Variants in SOX5 observed in about 807,000 individuals in gnomAD.
SOX5 encodes SRY-box transcription factor 5.
Under a neutral mutation model 92.0 loss-of-function variants are expected in SOX5, and 9 were observed. The observed-to-expected ratio is 0.10, with a 90% CI of 0.06 to 0.17. SOX5 has a LOEUF of 0.17. SOX5 is among the 10% of genes least tolerant of loss of function. SOX5 has a pLI of 1.00. For missense variants in SOX5, 642 were observed against 944.5 expected, an observed-to-expected ratio of 0.68 and a Z score of 4.20; for synonymous variants, 344 against 336.3, an observed-to-expected ratio of 1.02 and a Z score of -0.25.
intron 3 of SOX5, among the ~76,000 whole-genome samples, chr12:24,220,807 GTAT>G (rs1194744977): frequency 6.6e-6 from 1 of 152,184 alleles, no homozygotes; most frequent in Non-Finnish European, 1.5e-5. Flanking sequence ...CCTCCAAACA[GTAT>G]TGAATAACCA....
At chr12:24,464,720 T>C (rs1479878232) in intron 1 of SOX5, among the ~76,000 whole-genome samples, 24 of 152,208 alleles carry the variant, frequency 1.6e-4, no homozygotes, top group Admixed American at 1.6e-3. Flanking sequence ...AAAAATCCTA[T>C]GAGATAGAAA....
intron 3 of SOX5, among the ~76,000 whole-genome samples, chr12:24,240,573 A>T (rs1484725243): frequency 6.6e-6 from 1 of 152,156 alleles, no homozygotes; most frequent in African/African-American, 2.4e-5. Context: ...ACAAATTCCT[A>T]TTTGGGCAAG....
At chr12:24,260,606 A>T (rs1217686869) in intron 3 of SOX5, among the ~76,000 whole-genome samples, 1 of 152,182 alleles carries the variant, frequency 6.6e-6, no homozygotes, top group Non-Finnish European at 1.5e-5. Flanking sequence ...GGACTTCCTT[A>T]GGTAGTGATA....
intron 13 of SOX5, among the ~76,000 whole-genome samples, chr12:23,537,045 T>TA (rs1273933654): frequency 6.6e-6 from 1 of 152,184 alleles, no homozygotes; most frequent in Admixed American, 6.5e-5. Context: ...ACTAATTATC[T>TA]AGTTATTGAA....
chr12:23,718,911 A>G (rs2092658945), intron 6 of SOX5, among the ~76,000 whole-genome samples: 1 of 152,194 alleles, frequency 6.6e-6, no homozygotes, highest in African/African-American at 2.4e-5. Context: ...GCAATTTTAG[A>G]TAAAATATAA....
intron 1 of SOX5, among the ~76,000 whole-genome samples, chr12:24,485,540 G>GT (rs1456587055): frequency 6.6e-6 from 1 of 152,098 alleles, no homozygotes; most frequent in Non-Finnish European, 1.5e-5. Context: ...CAACTACTCT[G>GT]TAACTGGTTT....
chr12:23,726,992 A>G (rs1285573760), intron 6 of SOX5, among the ~76,000 whole-genome samples: 1 of 152,200 alleles, frequency 6.6e-6, no homozygotes, highest in African/African-American at 2.4e-5. Flanking sequence ...TCACTTCAGA[A>G]ATCATACTGC....
intron 8 of SOX5, among the ~76,000 whole-genome samples, chr12:23,632,673 T>C (rs2078699230): frequency 6.6e-6 from 1 of 152,168 alleles, no homozygotes; most frequent in South Asian, 2.1e-4. Context: ...CATCTACCTC[T>C]ACCTTGATGT....
chr12:23,937,821 C>T (rs937636588), intron 1 of SOX5, among the ~76,000 whole-genome samples: 1 of 150,920 alleles, frequency 6.6e-6, no homozygotes, highest in Non-Finnish European at 1.5e-5. Flanking sequence ...ATTGGTTATA[C>T]ATGCATTCAA....
chr12:23,863,409 T>C lies in SOX5; in HGVS notation c.271-17216A>G, dbSNP rs538484495. Among the ~76,000 whole-genome samples, 3 of 152,314 alleles carry C rather than the reference T, an allele frequency of 2.0e-5. No homozygotes were observed. In the South Asian group the frequency reaches 6.2e-4, roughly 32 times the overall value. On this transcript the variant is annotated intron_variant, in intron 2 of 14. Coordinates refer to ENST00000451604, the MANE Select transcript of SOX5 (RefSeq NM_006940.6). ...CCTATGAGGTAGGAAATATGATCAA[T>C]GCTTTTACACACAGAGAAAATGAGT...
At chr12:23,659,463 C>T (rs944637308) in intron 7 of SOX5, among the ~76,000 whole-genome samples, 1 of 152,148 alleles carries the variant, frequency 6.6e-6, no homozygotes, top group Non-Finnish European at 1.5e-5. Context: ...TTAAGCTAAT[C>T]TCATGAGGCA....
At chr12:23,933,314 C>T (rs557505342) in intron 1 of SOX5, among the ~76,000 whole-genome samples, 1 of 151,720 alleles carries the variant, frequency 6.6e-6, no homozygotes, top group South Asian at 2.1e-4. Context: ...AAAAACATAA[C>T]ATATACTGTA....
At chr12:24,171,236 T>TTTTGTTTTGTTTTG (rs1565581513) in intron 4 of SOX5, among the ~76,000 whole-genome samples, 1 of 130,220 alleles carries the variant, frequency 7.7e-6, no homozygotes, top group Non-Finnish European at 1.7e-5. Context: ...TTTGTTTTTT[T>TTTTGTTTTGTTTTG]TTTTGGAGAC....
At chr12:23,875,525 GAAGA>G (rs1485320095) in intron 2 of SOX5, among the ~76,000 whole-genome samples, 1 of 151,958 alleles carries the variant, frequency 6.6e-6, no homozygotes, top group African/African-American at 2.4e-5. Flanking sequence ...AGAAAGGAAG[GAAGA>G]AAGGAGGGGA....
At chr12:24,520,069 A>G (rs1372686955) in intron 1 of SOX5, among the ~76,000 whole-genome samples, 1 of 152,004 alleles carries the variant, frequency 6.6e-6, no homozygotes, top group Non-Finnish European at 1.5e-5. Context: ...ATCAAGAACA[A>G]TATACCAGGC....
At chr12:24,438,431 TA>T (rs980563496) in intron 1 of SOX5, among the ~76,000 whole-genome samples, 45 of 151,424 alleles carry the variant, frequency 3.0e-4, no homozygotes, top group African/African-American at 8.2e-4. Flanking sequence ...AAAGTATAGT[TA>T]AAAAAAATAT....
chr12:23,940,330 G>T (rs1380113433), intron 1 of SOX5, among the ~76,000 whole-genome samples: 1 of 151,138 alleles, frequency 6.6e-6, no homozygotes, highest in East Asian at 1.9e-4. Context: ...AAACTCCTAA[G>T]AGACACCATG....
chr12:24,537,794 T>G (rs1057340934), intron 1 of SOX5, among the ~76,000 whole-genome samples: 7 of 152,230 alleles, frequency 4.6e-5, no homozygotes, highest in African/African-American at 1.7e-4. Flanking sequence ...TGCAGACTAT[T>G]TGTCCACACT....
chr12:24,515,748 C>T (rs543806345), intron 1 of SOX5, among the ~76,000 whole-genome samples: 112 of 152,274 alleles, frequency 7.4e-4, no homozygotes, highest in African/African-American at 2.6e-3. Flanking sequence ...AACACTTTGT[C>T]TATATACATT....
Sources: allele counts gnomAD v4.1 joint callset (sites outside exome capture counted in the v4.1 genomes callset), GRCh38; gene constraint gnomAD v4.1.1; transcripts MANE v1.5; gene names NCBI Gene and HGNC (gene_info 2026-07-23, HGNC 2026-07-21).